The following ZNF385D variants were observed in gnomAD, a reference collection of about 807,000 sequenced individuals.
ZNF385D encodes zinc finger protein 385D.
In ZNF385D, 15 loss-of-function variants were observed where a neutral mutation model predicts 35.8. The ratio of observed to expected loss-of-function variants is 0.42; its 90% CI spans 0.28 to 0.64. ZNF385D has a LOEUF of 0.64. Among genes scored for constraint, ZNF385D ranks in the 30% least tolerant of loss-of-function variants. The probability of loss-of-function intolerance (pLI) is 0.23; values close to 1 mark genes in which losing one functional copy is unlikely to be tolerated. For synonymous variants in ZNF385D, 212 were observed against 186.8 expected (o/e 1.13, Z -1.10); for missense variants, 474 against 494.6 (o/e 0.96, Z 0.39).
intron 3 of ZNF385D, among the ~76,000 whole-genome samples, chr3:22,018,002 T>A (rs896493394): frequency 6.6e-6 from 1 of 151,922 alleles, no homozygotes; most frequent in African/African-American, 2.4e-5. Flanking sequence ...TCACTTAATA[T>A]TGAATGATAT....
At chr3:21,845,565 T>A (rs542667384) in intron 3 of ZNF385D, among the ~76,000 whole-genome samples, 3 of 152,152 alleles carry the variant, frequency 2.0e-5, no homozygotes, top group African/African-American at 7.2e-5. Context: ...AGTTTCCACT[T>A]AATCTAGAAA....
At chr3:22,232,638 G>A (rs746800368) in intron 2 of ZNF385D, among the ~76,000 whole-genome samples, 19 of 152,112 alleles carry the variant, frequency 1.2e-4, no homozygotes, top group South Asian at 2.1e-4. Context: ...AACATGTGGT[G>A]TTTGGTTTTC....
chr3:21,429,389 C>A (rs1033711858), intron 5 of ZNF385D, among the ~76,000 whole-genome samples: 48 of 152,004 alleles, frequency 3.2e-4, no homozygotes, highest in Non-Finnish European at 6.0e-4. Flanking sequence ...TTTAGAAATG[C>A]ACATGATTTT....
intron 3 of ZNF385D, among the ~76,000 whole-genome samples, chr3:22,149,906 C>G (rs1553617614): frequency 6.6e-6 from 1 of 152,136 alleles, no homozygotes; most frequent in Non-Finnish European, 1.5e-5. Context: ...ATGTAAGAAA[C>G]ATTCCAGAAA....
intron 2 of ZNF385D, among the ~76,000 whole-genome samples, chr3:21,566,361 A>G (rs371599175): frequency 4.6e-5 from 7 of 152,200 alleles, no homozygotes; most frequent in African/African-American, 1.7e-4. Flanking sequence ...ACGATAGCTC[A>G]TGCCTATAAT....
intron 2 of ZNF385D, chr3:22,372,398 C>T (rs1696953114): frequency 9.3e-6 from 9 of 972,022 alleles, no homozygotes; most frequent in Non-Finnish European, 1.1e-5. Context: ...GCCCGGCGCC[C>T]CAACGAACTC....
At chr3:21,756,192 G>A (rs1278046674), upstream of ZNF385D, among the ~76,000 whole-genome samples, 1 of 152,140 alleles carries the variant, frequency 6.6e-6, no homozygotes, top group Non-Finnish European at 1.5e-5. Flanking sequence ...AGAGAACATG[G>A]CTTGGACCAG....
intron 3 of ZNF385D, among the ~76,000 whole-genome samples, chr3:22,027,667 A>C (rs2125469489): frequency 6.6e-6 from 1 of 152,274 alleles, no homozygotes; most frequent in East Asian, 1.9e-4. Context: ...CTAGCCATAA[A>C]GTGGGTCACG....
At chr3:21,425,098 C>T (rs947162443) in intron 6 of ZNF385D, among the ~76,000 whole-genome samples, 4 of 152,014 alleles carry the variant, frequency 2.6e-5, no homozygotes, top group African/African-American at 7.2e-5. Context: ...ACTTGTAGCA[C>T]GTAAATATCT....
At chr3:21,839,944 C>T (rs1191072937) in intron 3 of ZNF385D, among the ~76,000 whole-genome samples, 7 of 151,966 alleles carry the variant, frequency 4.6e-5, no homozygotes, top group Non-Finnish European at 5.9e-5. Context: ...AAATCTCTCT[C>T]AATTATGTTC....
At chr3:21,853,324 C>T (rs537154102) in intron 3 of ZNF385D, among the ~76,000 whole-genome samples, 1 of 151,634 alleles carries the variant, frequency 6.6e-6, no homozygotes, top group East Asian at 1.9e-4. Flanking sequence ...TTTCCTGTAT[C>T]GTGGTTTTAA....
chr3:21,743,638 G>A (rs917059179), intron 1 of ZNF385D, among the ~76,000 whole-genome samples: 1 of 152,140 alleles, frequency 6.6e-6, no homozygotes, highest in African/African-American at 2.4e-5. Flanking sequence ...TTTCTTATAA[G>A]GACACTAATC....
intron 2 of ZNF385D, among the ~76,000 whole-genome samples, chr3:22,268,168 G>T (rs1478178540): frequency 2.0e-5 from 3 of 151,924 alleles, no homozygotes; most frequent in Non-Finnish European, 4.4e-5. Context: ...TGTTGCTACT[G>T]CATGGATGAC....
chr3:21,598,357 G>C (rs897100696), intron 2 of ZNF385D, among the ~76,000 whole-genome samples: 1 of 152,274 alleles, frequency 6.6e-6, no homozygotes, highest in South Asian at 2.1e-4. Flanking sequence ...AGCCTAATGA[G>C]TGAAAAATCC....
chr3:21,897,681 T>C (rs1174394633), intron 3 of ZNF385D, among the ~76,000 whole-genome samples: 1 of 152,118 alleles, frequency 6.6e-6, no homozygotes, highest in Non-Finnish European at 1.5e-5. Context: ...TTGGATGACA[T>C]GTTCAGAGAA....
At chr3:22,332,230 T>A (rs1694971986) in intron 2 of ZNF385D, among the ~76,000 whole-genome samples, 1 of 152,130 alleles carries the variant, frequency 6.6e-6, no homozygotes, top group Non-Finnish European at 1.5e-5. Context: ...ATAAGTTCAC[T>A]CAACGGCTAG....
intron 2 of ZNF385D, among the ~76,000 whole-genome samples, chr3:22,217,185 C>A (rs1410305318): frequency 1.3e-5 from 2 of 152,122 alleles, no homozygotes; most frequent in African/African-American, 4.8e-5. Flanking sequence ...ACTCTTCCCA[C>A]AAATTGGAAT....
intron 3 of ZNF385D, among the ~76,000 whole-genome samples, chr3:22,072,662 G>A (rs760236022): frequency 6.6e-6 from 1 of 151,864 alleles, no homozygotes. Context: ...AGGCAAGAAG[G>A]AATGGAGAAA....
intron 1 of ZNF385D, among the ~76,000 whole-genome samples, chr3:21,700,594 A>C (rs2067645499): frequency 6.6e-6 from 1 of 152,176 alleles, no homozygotes; most frequent in South Asian, 2.1e-4. Flanking sequence ...AAGTTTTGTG[A>C]CCTTGTGATA....
Sources: gnomAD v4.1 joint callset for allele counts (sites outside exome capture counted in the v4.1 genomes callset) on GRCh38, gnomAD v4.1.1 for gene constraint, MANE v1.5 for transcripts, NCBI Gene and HGNC (gene_info 2026-07-23, HGNC 2026-07-21) for gene names.